CHID1: variants seen among roughly 807,000 people sequenced by gnomAD.
The protein encoded by CHID1 is chitinase domain-containing protein 1.
In CHID1, 44 loss-of-function variants were observed where a neutral mutation model predicts 55.4. The observed-to-expected ratio is 0.79, with a 90% confidence interval of 0.62 to 1.02. The LOEUF (loss-of-function observed/expected upper bound fraction) is 1.02. Among genes scored for constraint, CHID1 ranks in the 50% least tolerant of loss-of-function variants. The probability of loss-of-function intolerance (pLI) is 0.00; values close to 1 mark genes in which losing one functional copy is unlikely to be tolerated. For missense variants in CHID1, 491 were observed against 515.3 expected (o/e 0.95, Z 0.46); for synonymous variants, 216 against 212.9 (o/e 1.01, Z -0.13).
intron 10 of CHID1, 32 bp downstream of exon 10, chr11:883,116 C>T (rs760146548): frequency 6.3e-7 from 1 of 1,597,900 alleles, no homozygotes; most frequent in Non-Finnish European, 8.6e-7. Context: ...CCAGTGACAC[C>T]TTCAGCACGG....
In CHID1 at chr11:909,947, C is replaced by T. The variant is rs183956301; in HGVS notation, c.-44+828G>A. 8.0e-4 allele frequency among the ~76,000 whole-genome samples: 121 copies of T among 152,110 alleles called. 2 individuals carry two copies. The highest frequency in any genetic ancestry group is 2.8e-3 in the African/African-American group (117 of 41,494). ...CAGTGGTGTGCGCCTGTACTCCCAG[C>T]AACTCGGGAGACTGAGGCAGGAAAA... On this transcript the variant is annotated intron_variant, in intron 1 of 12. Transcript: ENST00000323578.
At chr11:899,788 C>CATGCCTGGG (rs1422620674) in intron 6 of CHID1, among the ~76,000 whole-genome samples, 1 of 152,244 alleles carries the variant, frequency 6.6e-6, no homozygotes, top group Admixed American at 6.5e-5. Flanking sequence ...ACAGGTCTCC[C>CATGCCTGGG]ATGCCTGGGA....
At chr11:902,109 T>A in intron 4 of CHID1, 89 bp downstream of exon 4, 2 of 1,499,298 alleles carry the variant, frequency 1.3e-6, no homozygotes, top group Non-Finnish European at 1.8e-6. Flanking sequence ...CACAGAGACA[T>A]ACCTACTCAC....
intron 4 of CHID1, 79 bp from the exon 5 acceptor site, chr11:901,059 T>C: frequency 1.5e-6 from 2 of 1,364,830 alleles, no homozygotes; most frequent in Non-Finnish European, 2.0e-6. Context: ...GAGGAAAACG[T>C]GGCAGCCGCA....
intron 8 of CHID1, among the ~76,000 whole-genome samples, chr11:892,716 T>C (rs963982537): frequency 2.0e-5 from 3 of 152,206 alleles, no homozygotes; most frequent in African/African-American, 7.2e-5. Flanking sequence ...CCTTGCCCAG[T>C]TGCAGCCCAC....
chr11:909,239 C>T (rs920319234), intron 1 of CHID1, among the ~76,000 whole-genome samples: 1 of 152,232 alleles, frequency 6.6e-6, no homozygotes, highest in African/African-American at 2.4e-5. Flanking sequence ...ATGCTCTTCA[C>T]ATAACACAGA....
intron 8 of CHID1, among the ~76,000 whole-genome samples, chr11:891,844 G>C (rs1053127879): frequency 1.3e-5 from 2 of 150,768 alleles, no homozygotes; most frequent in African/African-American, 4.9e-5. Flanking sequence ...CATCGGAAAA[G>C]GCTGGCCACG....
At chr11:895,068 T>C (rs1377261851) in intron 7 of CHID1, among the ~76,000 whole-genome samples, 1 of 152,160 alleles carries the variant, frequency 6.6e-6, no homozygotes, top group African/African-American at 2.4e-5. Flanking sequence ...TCACACACTG[T>C]GCGCCACTTA....
chr11:873,929 G>C (rs919459654), intron 10 of CHID1, among the ~76,000 whole-genome samples: 1 of 151,818 alleles, frequency 6.6e-6, no homozygotes, highest in Non-Finnish European at 1.5e-5. Flanking sequence ...ACCGAGACGC[G>C]CCACAGAGCA....
intron 8 of CHID1, among the ~76,000 whole-genome samples, chr11:891,696 C>T (rs989794750): frequency 4.6e-5 from 7 of 152,292 alleles, no homozygotes; most frequent in Admixed American, 1.3e-4. Context: ...CCCGAGGAAT[C>T]TTCACCCAGC....
intron 2 of CHID1, among the ~76,000 whole-genome samples, chr11:903,320 C>T (rs369141848): frequency 5.9e-4 from 90 of 152,320 alleles, no homozygotes; most frequent in African/African-American, 2.0e-3. Flanking sequence ...AGACACTGGC[C>T]GACGGTACAG....
chr11:876,737 A>G (rs570888245), intron 10 of CHID1, among the ~76,000 whole-genome samples: 18 of 152,316 alleles, frequency 1.2e-4, no homozygotes. Context: ...TGCACGTGTG[A>G]GCGAGTCTTG....
At chr11:912,661 G>C (rs60516678), upstream of CHID1, among the ~76,000 whole-genome samples, 1 of 151,980 alleles carries the variant, frequency 6.6e-6, no homozygotes, top group African/African-American at 2.4e-5. Context: ...TGATTAACAC[G>C]GTGAAACCCC....
intron 4 of CHID1, among the ~76,000 whole-genome samples, chr11:901,409 C>T (rs1030874188): frequency 6.6e-6 from 1 of 152,246 alleles, no homozygotes; most frequent in Non-Finnish European, 1.5e-5. Context: ...AAAACCACTC[C>T]TGCTCTCTGA....
Position 899,342 on chromosome 11 carries a change from G to C in CHID1, c.606C>G (p.Arg202=). 6.2e-7 allele frequency: 1 copy of C among 1,600,510 alleles called. No individual in the cohort carries two copies. The highest frequency in any genetic ancestry group is 8.5e-7 in the Non-Finnish European group (1 of 1,173,466). Residue 202 remains arginine, a splice_region_variant and synonymous_variant, in exon 7 of 13, where the codon CGC becomes CGG. Coordinates refer to ENST00000323578, the MANE Select transcript of CHID1 (RefSeq NM_023947.4). The part of the protein sequence containing the change: ...EVWNQLLSQK[R]VGLIHMLTHL... ...CACCACCACCTGTGCCCACTCACAC[G>C]CGCTTCTGGCTTAGCAGCTGGTTCC...
upstream of CHID1, chr11:914,350 G>A (rs1255880064): frequency 8.6e-6 from 3 of 349,894 alleles, no homozygotes; most frequent in South Asian, 6.7e-5. Flanking sequence ...GCTCTGCCCT[G>A]TAGGCCCAGG....
intron 8 of CHID1, among the ~76,000 whole-genome samples, chr11:890,056 CCT>C (rs762462876): frequency 1.5e-4 from 23 of 151,808 alleles, no homozygotes; most frequent in Non-Finnish European, 2.4e-4. Context: ...TCCCCTGGCC[CCT>C]GTCTGCTGCT....
intron 10 of CHID1, among the ~76,000 whole-genome samples, chr11:880,064 C>G (rs1849793714): frequency 6.6e-6 from 1 of 152,244 alleles, no homozygotes; most frequent in South Asian, 2.1e-4. Context: ...GGCGGCCGGG[C>G]CCCTCACTCT....
chr11:890,408 C>G (rs560235202), intron 8 of CHID1, among the ~76,000 whole-genome samples: 11 of 152,262 alleles, frequency 7.2e-5, no homozygotes, highest in Non-Finnish European at 1.5e-4. Context: ...CCACATATAG[C>G]GATGGCCGGC....
Sources: gnomAD v4.1 joint callset for allele counts (sites outside exome capture counted in the v4.1 genomes callset) on GRCh38, gnomAD v4.1.1 for gene constraint, MANE v1.5 for transcripts, NCBI Gene and HGNC (gene_info 2026-07-23, HGNC 2026-07-21) for gene names.